Variants in AOAH observed in about 807,000 individuals in gnomAD.
AOAH encodes acyloxyacyl hydrolase (neutrophil).
In AOAH, 64 loss-of-function variants were observed where a neutral mutation model predicts 92.2. That is an observed-to-expected ratio of 0.69 (90% confidence interval 0.57 to 0.86). AOAH has a LOEUF of 0.86. Ranked by LOEUF, AOAH falls within the 40% of genes least tolerant of loss-of-function variation. AOAH has a pLI of 0.00. For missense variants in AOAH, 656 were observed against 694.6 expected (o/e 0.94, Z 0.62); for synonymous variants, 263 against 254.5 (o/e 1.03, Z -0.32).
intron 2 of AOAH, among the ~76,000 whole-genome samples, chr7:36,686,039 A>G (rs2116770482): frequency 6.6e-6 from 1 of 152,250 alleles, no homozygotes; most frequent in African/African-American, 2.4e-5. Flanking sequence ...TAAAAATTTG[A>G]CTGTCAAAGA....
intron 19 of AOAH, among the ~76,000 whole-genome samples, chr7:36,527,804 C>G (rs1026016136): frequency 6.6e-6 from 1 of 152,204 alleles, no homozygotes; most frequent in Non-Finnish European, 1.5e-5. Flanking sequence ...AACCACACAT[C>G]GTACCCACAT....
chr7:36,565,824 AG>A (rs1787667799), intron 13 of AOAH, among the ~76,000 whole-genome samples: 1 of 152,130 alleles, frequency 6.6e-6, no homozygotes, highest in Non-Finnish European at 1.5e-5. Context: ...TACAGGCATG[AG>A]ACACCGTGCC....
chr7:36,623,710 T>C (rs1029834997), intron 6 of AOAH, among the ~76,000 whole-genome samples: 30 of 152,138 alleles, frequency 2.0e-4, no homozygotes, highest in African/African-American at 6.5e-4. Flanking sequence ...AGCTGGCAAC[T>C]TTCACTCCCA....
intron 9 of AOAH, among the ~76,000 whole-genome samples, chr7:36,620,126 T>A (rs1792174307): frequency 6.6e-6 from 1 of 152,244 alleles, no homozygotes; most frequent in Admixed American, 6.5e-5. Flanking sequence ...TTTCTGTGAT[T>A]GTTTTAAAAA....
intron 12 of AOAH, among the ~76,000 whole-genome samples, chr7:36,579,508 G>A (rs1429759446): frequency 2.6e-5 from 4 of 152,158 alleles, no homozygotes; most frequent in Middle Eastern, 3.4e-3. Context: ...AGAACTAATG[G>A]AATGAATATA....
At chr7:36,593,327 G>A (rs535184938) in intron 12 of AOAH, among the ~76,000 whole-genome samples, 1 of 152,276 alleles carries the variant, frequency 6.6e-6, no homozygotes, top group Middle Eastern at 3.4e-3. Context: ...ATTATTCATG[G>A]CACACAATGT....
rs755920839 is a variant in AOAH, at chr7:36,513,065, C to T, written c.*187G>A. 31 of 1,550,048 alleles carry T rather than the reference C, an allele frequency of 2.0e-5. No homozygotes were observed. Among genetic ancestry groups the T allele is most frequent in the Middle Eastern group, 1.7e-4 (1 of 6,026 alleles). ...GGAACAGCGGAAGGGTTACTGATCCCGGGAGCACACAGCATTGCACAGTCG... is the reference window on the plus strand; with the variant it reads ...GGAACAGCGGAAGGGTTACTGATCCTGGGAGCACACAGCATTGCACAGTCG... On this transcript the variant is annotated 3_prime_UTR_variant, in exon 21 of 21. Coordinates refer to ENST00000617537, the MANE Select transcript of AOAH (RefSeq NM_001637.4).
intron 19 of AOAH, among the ~76,000 whole-genome samples, chr7:36,524,202 G>C (rs1412079429): frequency 6.6e-6 from 1 of 152,028 alleles, no homozygotes; most frequent in Admixed American, 6.6e-5. Flanking sequence ...AGAAAGAAAA[G>C]AAAGAATGAA....
chr7:36,671,951 G>A (rs149638381), intron 3 of AOAH, among the ~76,000 whole-genome samples: 164 of 152,236 alleles, frequency 1.1e-3, no homozygotes, highest in Non-Finnish European at 1.9e-3. Context: ...ATAATTTTAC[G>A]TTAAGGGAGT....
chr7:36,536,379 A>C (rs1411004027), intron 16 of AOAH, among the ~76,000 whole-genome samples: 1 of 151,696 alleles, frequency 6.6e-6, no homozygotes, highest in Non-Finnish European at 1.5e-5. Context: ...TCTTCCCCCT[A>C]CTTTTTTTTT....
chr7:36,569,570 T>TCTATCTAG (rs1444586204), intron 13 of AOAH, among the ~76,000 whole-genome samples: 4 of 51,070 alleles, frequency 7.8e-5, no homozygotes, highest in Non-Finnish European at 2.0e-4. Flanking sequence ...GATTTACATA[T>TCTATCTAG]CTATCTATCT....
intron 11 of AOAH, among the ~76,000 whole-genome samples, chr7:36,603,636 A>T (rs1457432226): frequency 6.6e-6 from 1 of 152,188 alleles, no homozygotes; most frequent in African/African-American, 2.4e-5. Context: ...TGCTGTTGTC[A>T]TAGACAATAT....
intron 3 of AOAH, 33 bp from the exon 4 acceptor site, chr7:36,659,298 C>A (rs1483283956): frequency 6.5e-7 from 1 of 1,544,286 alleles, no homozygotes. Flanking sequence ...AAAGGCTATT[C>A]AGATCTCTTA....
At chr7:36,549,611 T>C in intron 13 of AOAH, 136 bp from the exon 14 acceptor site, 2 of 606,668 alleles carry the variant, frequency 3.3e-6, no homozygotes, top group South Asian at 3.9e-5. Context: ...AACACATTGA[T>C]GGAAATAATT....
chr7:36,618,258 A>G, intron 10 of AOAH, 39 bp downstream of exon 10: 1 of 1,576,722 alleles, frequency 6.3e-7, no homozygotes, highest in Admixed American at 1.7e-5. Flanking sequence ...AGAAAAGAAT[A>G]TCTATCATTA....
At chr7:36,666,976 G>T (rs1370172019) in intron 3 of AOAH, among the ~76,000 whole-genome samples, 1 of 152,118 alleles carries the variant, frequency 6.6e-6, no homozygotes, top group African/African-American at 2.4e-5. Context: ...TTATGTCTCA[G>T]AATGTAATGT....
chr7:36,584,545 T>G (rs535781740), intron 12 of AOAH, among the ~76,000 whole-genome samples: 1 of 152,344 alleles, frequency 6.6e-6, no homozygotes, highest in East Asian at 1.9e-4. Flanking sequence ...GCTACTGAAT[T>G]GATGTTTCTT....
Position 36,615,999 on chromosome 7 carries a change from G to A in AOAH, c.846+381C>T, listed in dbSNP as rs888473113. Among the ~76,000 whole-genome samples the A allele has an allele frequency of 3.9e-5, 6 of 152,226 alleles. No individual in the cohort carries two copies. In the East Asian group the frequency reaches 5.8e-4, roughly 15 times the overall value. On this transcript the variant is annotated intron_variant, in intron 11 of 20. Transcript: ENST00000617537. ...AGCACAGCAGAGGCCATCAGGAGCCGAGCAGCCTGCTCTGCCCAGAGCTTC... is the reference window on the plus strand; with the variant it reads ...AGCACAGCAGAGGCCATCAGGAGCCAAGCAGCCTGCTCTGCCCAGAGCTTC...
intron 6 of AOAH, among the ~76,000 whole-genome samples, chr7:36,628,726 G>C (rs773454843): frequency 3.3e-5 from 5 of 152,216 alleles, no homozygotes; most frequent in African/African-American, 4.8e-5. Flanking sequence ...GAATGGGACG[G>C]AGGGCAGGGA....
Sources: allele counts gnomAD v4.1 joint callset (sites outside exome capture counted in the v4.1 genomes callset), GRCh38; gene constraint gnomAD v4.1.1; transcripts MANE v1.5; gene names NCBI Gene and HGNC (gene_info 2026-07-23, HGNC 2026-07-21).